The following DIP2C variants were observed in gnomAD, a reference collection of about 807,000 sequenced individuals.
The protein encoded by DIP2C is disco-interacting protein 2 homolog C.
In DIP2C, 33 loss-of-function variants were observed where a neutral mutation model predicts 192.4. That is an observed-to-expected ratio of 0.17 (90% confidence interval 0.13 to 0.23). The LOEUF (loss-of-function observed/expected upper bound fraction) is 0.23, where lower values mean the gene tolerates loss of function less well. DIP2C is among the 10% of genes least tolerant of loss of function. The probability of loss-of-function intolerance (pLI) is 1.00; values close to 1 mark genes in which losing one functional copy is unlikely to be tolerated. For synonymous variants in DIP2C, 979 were observed against 864.1 expected (o/e 1.13, Z -2.33); for missense variants, 1,537 against 2,110.1 (o/e 0.73, Z 5.32).
At chr10:509,333 G>C (rs958970774) in intron 1 of DIP2C, among the ~76,000 whole-genome samples, 5 of 152,060 alleles carry the variant, frequency 3.3e-5, no homozygotes, top group African/African-American at 9.7e-5. Flanking sequence ...CTGAAGCTCA[G>C]AGACACTAAG....
At chr10:278,795 A>C (rs1406687148) in intron 36 of DIP2C, among the ~76,000 whole-genome samples, 1 of 152,184 alleles carries the variant, frequency 6.6e-6, no homozygotes, top group Non-Finnish European at 1.5e-5. Context: ...AGGATATTTA[A>C]TGGCTTTTGG....
intron 1 of DIP2C, among the ~76,000 whole-genome samples, chr10:557,862 G>GGGGC (rs980543955): frequency 4.6e-5 from 5 of 109,008 alleles, no homozygotes; most frequent in African/African-American, 9.9e-5. Flanking sequence ...GGAGGGGGCA[G>GGGGC]GGGCAGGCAG....
intron 2 of DIP2C, 53 bp downstream of exon 2, chr10:486,406 C>T (rs1273262176): frequency 6.7e-7 from 1 of 1,494,236 alleles, no homozygotes; most frequent in African/African-American, 1.4e-5. Flanking sequence ...TTCTCTGGCA[C>T]ATAGTGAATG....
In DIP2C at chr10:400,748, T is replaced by C. The variant is rs185079231; in HGVS notation, c.1150-1529A>G. On this transcript the variant is annotated intron_variant, in intron 9 of 36. Transcript: ENST00000280886. ...TGGTAGCATTAGCATTACTCTTCTT[T>C]ATGGACAAGTTTGGTAATCCTGTGA... Among the ~76,000 whole-genome samples the C allele has an allele frequency of 1.7e-3, 258 of 151,894 alleles. 3 individuals are homozygous for C. The highest frequency in any genetic ancestry group is 6.8e-3 in the Middle Eastern group (2 of 294).
chr10:512,246 G>A (rs12357408), intron 1 of DIP2C, among the ~76,000 whole-genome samples: 2,022 of 152,208 alleles, frequency 0.013, 24 homozygotes, highest in Middle Eastern at 0.034. Context: ...GTTTTTTAAA[G>A]TTGACTTCTA....
intron 1 of DIP2C, among the ~76,000 whole-genome samples, chr10:674,789 T>TATATATATATATATAGAGAGAGAG: frequency 2.4e-4 from 15 of 62,476 alleles, no homozygotes; most frequent in African/African-American, 9.9e-4. Context: ...TATATATATA[T>TATATATATATATATAGAGAGAGAG]AGAGAGAGAG....
chr10:420,176 G>A (rs1213244067), intron 5 of DIP2C, among the ~76,000 whole-genome samples: 22 of 152,196 alleles, frequency 1.4e-4, no homozygotes, highest in Admixed American at 7.2e-4. Context: ...GCCCATGTCC[G>A]CACCGTGCCC....
At chr10:641,375 C>T (rs1439828432) in intron 1 of DIP2C, among the ~76,000 whole-genome samples, 2 of 152,186 alleles carry the variant, frequency 1.3e-5, no homozygotes, top group African/African-American at 2.4e-5. Flanking sequence ...ACGAGGGCAC[C>T]GGCCCGCACA....
At chr10:605,990 C>T (rs1039706051) in intron 1 of DIP2C, among the ~76,000 whole-genome samples, 1 of 152,218 alleles carries the variant, frequency 6.6e-6, no homozygotes, top group Non-Finnish European at 1.5e-5. Flanking sequence ...CCCCCCACTT[C>T]CGGCTCCTGT....
chr10:383,703 G>A (rs575329388), intron 16 of DIP2C, among the ~76,000 whole-genome samples: 10 of 152,174 alleles, frequency 6.6e-5, no homozygotes, highest in South Asian at 4.2e-4. Flanking sequence ...CTTAAGCACC[G>A]TTTTACAGCC....
At chr10:611,995 T>TA (rs1313105926) in intron 1 of DIP2C, among the ~76,000 whole-genome samples, 1 of 151,744 alleles carries the variant, frequency 6.6e-6, no homozygotes, top group East Asian at 1.9e-4. Context: ...CTATTATAGT[T>TA]AAAATCAAGA....
chr10:560,647 ATATT>A (rs1849161687), intron 1 of DIP2C, among the ~76,000 whole-genome samples: 1 of 152,236 alleles, frequency 6.6e-6, no homozygotes, highest in South Asian at 2.1e-4. Flanking sequence ...TGCTAATAAA[ATATT>A]AATTACCACA....
At chr10:334,114 G>A (rs1957631815) in intron 29 of DIP2C, among the ~76,000 whole-genome samples, 1 of 152,008 alleles carries the variant, frequency 6.6e-6, no homozygotes, top group Non-Finnish European at 1.5e-5. Flanking sequence ...AGACCAGCCT[G>A]GCCAACATGG....
chr10:531,632 G>C (rs935704047), intron 1 of DIP2C, among the ~76,000 whole-genome samples: 1 of 152,118 alleles, frequency 6.6e-6, no homozygotes, highest in African/African-American at 2.4e-5. Flanking sequence ...CGGTGTCACC[G>C]GCAAACCCAC....
At chr10:613,467 G>A (rs1564270416) in intron 1 of DIP2C, among the ~76,000 whole-genome samples, 1 of 152,358 alleles carries the variant, frequency 6.6e-6, no homozygotes, top group East Asian at 1.9e-4. Context: ...CGATTTGGAG[G>A]GAACTCAAGG....
intron 1 of DIP2C, among the ~76,000 whole-genome samples, chr10:528,498 G>A (rs1415757636): frequency 6.6e-6 from 1 of 152,216 alleles, no homozygotes; most frequent in Admixed American, 6.5e-5. Context: ...AAAAGCCATA[G>A]TGGTGGATAT....
At chr10:560,382 TAAAAA>T (rs549024762) in intron 1 of DIP2C, among the ~76,000 whole-genome samples, 1 of 145,398 alleles carries the variant, frequency 6.9e-6, no homozygotes, top group African/African-American at 2.5e-5. Flanking sequence ...CACAACCATT[TAAAAA>T]AAAAAAGAAA....
chr10:399,439 A>C (rs1589705040), intron 9 of DIP2C, among the ~76,000 whole-genome samples: 1 of 152,236 alleles, frequency 6.6e-6, no homozygotes, highest in East Asian at 1.9e-4. Context: ...CTGTCACCAG[A>C]GTACAACTGC....
At chr10:317,107 T>C (rs1956808703) in intron 31 of DIP2C, among the ~76,000 whole-genome samples, 2 of 152,218 alleles carry the variant, frequency 1.3e-5, no homozygotes, top group Admixed American at 6.5e-5. Context: ...AAAAATCACA[T>C]TGAGCTTGTT....
Sources: allele counts gnomAD v4.1 joint callset (sites outside exome capture counted in the v4.1 genomes callset), GRCh38; gene constraint gnomAD v4.1.1; transcripts MANE v1.5; gene names NCBI Gene and HGNC (gene_info 2026-07-23, HGNC 2026-07-21).